Variants in SCTR observed in about 807,000 individuals in gnomAD.
The protein encoded by SCTR is pancreatic secretin receptor.
Under a neutral mutation model 60.8 loss-of-function variants are expected in SCTR, and 56 were observed. The ratio of observed to expected loss-of-function variants is 0.92; its 90% CI spans 0.74 to 1.15. The LOEUF (loss-of-function observed/expected upper bound fraction) is 1.15. Ranked by LOEUF, SCTR falls within the 50% of genes most tolerant of loss-of-function variation. The pLI, the probability that SCTR is intolerant of heterozygous loss-of-function variation, is 0.00. For synonymous variants in SCTR, 202 were observed against 217.0 expected (o/e 0.93, Z 0.61); for missense variants, 562 against 550.4 (o/e 1.02, Z -0.21).
At chr2:119,481,108 T>A (rs951673962) in intron 2 of SCTR, among the ~76,000 whole-genome samples, 12 of 152,228 alleles carry the variant, frequency 7.9e-5, no homozygotes, top group African/African-American at 2.9e-4. Flanking sequence ...TGTTCCTTTT[T>A]CATCTGGATT....
intron 1 of SCTR, among the ~76,000 whole-genome samples, chr2:119,503,187 A>G (rs1397243814): frequency 1.3e-5 from 2 of 151,856 alleles, no homozygotes; most frequent in Admixed American, 6.6e-5. Context: ...ATAGAAAAGA[A>G]AAAGGAAAAA....
chr2:119,441,619 A>T lies in SCTR; in HGVS notation c.1141-20T>A. The T allele has an allele frequency of 6.2e-7, 1 of 1,611,426 alleles. No homozygotes were observed. The highest frequency in any genetic ancestry group is 8.5e-7 in the Non-Finnish European group (1 of 1,178,564). ...CAGTCCCTGCCAGAAGAAGAGAGGT[A>T]GCAGGGTTAGCACAGGTGCTCAGCA... On this transcript the variant is annotated intron_variant, in intron 11 of 12. Coordinates refer to ENST00000019103, the MANE Select transcript of SCTR (RefSeq NM_002980.3).
In SCTR at chr2:119,446,759, C is replaced by G; in HGVS notation, c.1140G>C (p.Gln380His). Reference protein sequence around the residue: ...LFFELALGSFQGLVVAVLYCF... With the variant: ...LFFELALGSFHGLVVAVLYCF... Reference sequence around the variant, plus strand: ...GGCAGCCCCAGTCCTGGAAACTTACCTGGAATGAGCCAAGGGCTAGTTCAA... The same window carrying G: ...GGCAGCCCCAGTCCTGGAAACTTACGTGGAATGAGCCAAGGGCTAGTTCAA... The change falls in exon 11 of 13, where the codon CAG becomes CAC. Residue 380 changes from glutamine (Q) to histidine (H), a missense_variant and splice_region_variant. By Grantham distance (24) the Gln-to-His change is conservative (BLOSUM62 0). Transcript: ENST00000019103. 1 of 1,522,614 alleles carries G rather than the reference C, an allele frequency of 6.6e-7. No individual in the cohort carries two copies. Among genetic ancestry groups the G allele is most frequent in the Non-Finnish European group, 8.8e-7 (1 of 1,131,034 alleles). The allele number at this position is 1,522,614 out of a possible 1,614,324, so 94.3% of individuals were successfully genotyped here.
chr2:119,480,688 C>T (rs1385342698), intron 2 of SCTR: 1 of 152,230 alleles, frequency 6.6e-6, no homozygotes, highest in East Asian at 1.9e-4. Flanking sequence ...TAACAACTCA[C>T]CAATTCTCCC....
chr2:119,458,900 G>A (rs80005443), intron 7 of SCTR, among the ~76,000 whole-genome samples: 3,284 of 152,280 alleles, frequency 0.022, 130 homozygotes, highest in African/African-American at 0.072. Context: ...AGGCAGAACC[G>A]CCAGTGCCAG....
chr2:119,512,982 C>T (rs771420962), intron 1 of SCTR, among the ~76,000 whole-genome samples: 2 of 152,170 alleles, frequency 1.3e-5, no homozygotes, highest in African/African-American at 2.4e-5. Context: ...CCTCAATGTA[C>T]GATCTAAGCT....
intron 11 of SCTR, among the ~76,000 whole-genome samples, chr2:119,443,460 T>A (rs1359470960): frequency 6.6e-6 from 1 of 152,254 alleles, no homozygotes; most frequent in Admixed American, 6.5e-5. Flanking sequence ...ATTTTTTTCT[T>A]ATTATTTTTC....
Position 119,448,740 on chromosome 2 carries a change from A to T in SCTR, c.962T>A (p.Met321Lys), listed in dbSNP as rs1172706507. The T allele has an allele frequency of 6.2e-7, 1 of 1,604,218 alleles. No individual in the cohort carries two copies. Among genetic ancestry groups the T allele is most frequent in the African/African-American group, 1.3e-5 (1 of 74,732 alleles). Residue 321 changes from methionine (M) to lysine (K), a missense_variant, in exon 10 of 13, where the codon ATG becomes AAG. By Grantham distance (95) the Met-to-Lys change is moderately conservative. Coordinates refer to ENST00000019103, the MANE Select transcript of SCTR (RefSeq NM_002980.3). ...TGTTTCTTGGGTTCTAAGTTTTCTCATCAGGATTCTTAGAATGTTTATGAA... is the reference window on the plus strand; with the variant it reads ...TGTTTCTTGGGTTCTAAGTTTTCTCTTCAGGATTCTTAGAATGTTTATGAA... ...ILFINILRIL[M>K]RKLRTQETRG...
At chr2:119,504,468 A>G (rs1678664166) in intron 1 of SCTR, among the ~76,000 whole-genome samples, 1 of 151,860 alleles carries the variant, frequency 6.6e-6, no homozygotes, top group Non-Finnish European at 1.5e-5. Flanking sequence ...GCGCACACCT[A>G]TAATCCCAGC....
At chr2:119,492,257 A>G (rs1029767582) in intron 2 of SCTR, among the ~76,000 whole-genome samples, 44 of 152,218 alleles carry the variant, frequency 2.9e-4, no homozygotes, top group Admixed American at 2.7e-3. Flanking sequence ...CTCTTTTTGT[A>G]ATATGCAACA....
At chr2:119,479,274 T>G in intron 2 of SCTR, 1 of 1,020,772 alleles carries the variant, frequency 9.8e-7, no homozygotes, top group Non-Finnish European at 1.2e-6. Context: ...ATTAAACAAC[T>G]AAGCAGCAAT....
In SCTR at chr2:119,464,113, G is replaced by T; in HGVS notation, c.636+10C>A. 6.2e-7 allele frequency: 1 copy of T among 1,614,012 alleles called. No homozygotes were observed. The highest frequency in any genetic ancestry group is 1.1e-5 in the South Asian group (1 of 91,078). On this transcript the variant is annotated intron_variant, in intron 6 of 12. Coordinates refer to ENST00000019103, the MANE Select transcript of SCTR (RefSeq NM_002980.3). ...GCCTGGCGACATCCTGGGGCACCCA[G>T]ACATATTACCCTGTGGGCATCGCAG... is the stretch of plus-strand genomic sequence containing the variant.
intron 3 of SCTR, 81 bp from the exon 4 acceptor site, chr2:119,473,637 G>A: frequency 1.1e-6 from 1 of 896,780 alleles, no homozygotes; most frequent in Non-Finnish European, 1.9e-6. Flanking sequence ...GTAACATGTA[G>A]CTGCTACAAC....
At chr2:119,508,488 G>C (rs1678831341) in intron 1 of SCTR, among the ~76,000 whole-genome samples, 1 of 133,876 alleles carries the variant, frequency 7.5e-6, no homozygotes, top group South Asian at 2.6e-4. Context: ...CCAGGCTCAA[G>C]CCATCCTCCC....
chr2:119,461,477 C>A (rs962448209), intron 7 of SCTR, among the ~76,000 whole-genome samples: 3 of 152,092 alleles, frequency 2.0e-5, no homozygotes, highest in Admixed American at 1.3e-4. Flanking sequence ...TTTGGGAGGC[C>A]GAGGCGGGCG....
chr2:119,520,187 C>G (rs962775802), intron 1 of SCTR, among the ~76,000 whole-genome samples: 5 of 152,160 alleles, frequency 3.3e-5, no homozygotes, highest in African/African-American at 2.4e-5. Context: ...CCCAGTGACC[C>G]TCTCTGAAAA....
intron 2 of SCTR, 109 bp from the exon 3 acceptor site, chr2:119,479,027 A>G: frequency 3.3e-6 from 5 of 1,525,216 alleles, no homozygotes; most frequent in Non-Finnish European, 4.4e-6. Flanking sequence ...CCACTAGACT[A>G]CTTTCAAAGC....
At chr2:119,442,957 G>A (rs1054463389) in intron 11 of SCTR, among the ~76,000 whole-genome samples, 2 of 152,166 alleles carry the variant, frequency 1.3e-5, no homozygotes, top group Admixed American at 6.5e-5. Context: ...ATTTAACCTC[G>A]CCAAAGCTCT....
intron 1 of SCTR, among the ~76,000 whole-genome samples, chr2:119,510,312 C>T (rs1190500590): frequency 6.6e-6 from 1 of 152,028 alleles, no homozygotes; most frequent in African/African-American, 2.4e-5. Flanking sequence ...GGTATGCCAA[C>T]TAAAGAAATG....
Sources: allele counts gnomAD v4.1 joint callset (sites outside exome capture counted in the v4.1 genomes callset), GRCh38; gene constraint gnomAD v4.1.1; transcripts MANE v1.5; gene names NCBI Gene and HGNC (gene_info 2026-07-23, HGNC 2026-07-21).